The following ROBO1 variants were observed in gnomAD, a reference collection of about 807,000 sequenced individuals.
ROBO1 encodes the protein roundabout guidance receptor 1, also known as roundabout homolog 1.
Under a neutral mutation model 195.9 loss-of-function variants are expected in ROBO1, and 149 were observed. That is an observed-to-expected ratio of 0.76 (90% CI 0.67 to 0.87). ROBO1 has a LOEUF of 0.87. Among genes scored for constraint, ROBO1 ranks in the 40% least tolerant of loss-of-function variants. The pLI is 0.00. For synonymous variants in ROBO1, 816 were observed against 733.2 expected (o/e 1.11, Z -1.82); for missense variants, 1,933 against 2,068.3 (o/e 0.93, Z 1.27).
At chr3:79,519,870 A>G (rs1941131637) in intron 2 of ROBO1, among the ~76,000 whole-genome samples, 2 of 151,964 alleles carry the variant, frequency 1.3e-5, no homozygotes, top group South Asian at 4.1e-4. Flanking sequence ...CAATTAAGAG[A>G]CCTTGCAGCT....
chr3:78,951,068 T>A (rs1173585859), intron 3 of ROBO1, among the ~76,000 whole-genome samples: 1 of 151,636 alleles, frequency 6.6e-6, no homozygotes, highest in Non-Finnish European at 1.5e-5. Flanking sequence ...ATATCATATA[T>A]AACCTATATC....
intron 1 of ROBO1, among the ~76,000 whole-genome samples, chr3:79,745,895 C>A (rs910903566): frequency 6.6e-5 from 10 of 151,944 alleles, no homozygotes; most frequent in African/African-American, 2.4e-4. Context: ...TAATTATGAA[C>A]CCCTGCTTTT....
intron 3 of ROBO1, among the ~76,000 whole-genome samples, chr3:79,072,662 A>T (rs575411549): frequency 6.6e-6 from 1 of 152,086 alleles, no homozygotes; most frequent in Non-Finnish European, 1.5e-5. Flanking sequence ...GACAATTATT[A>T]TTGGCTTAAG....
intron 4 of ROBO1, among the ~76,000 whole-genome samples, chr3:78,911,832 T>C (rs1410187941): frequency 6.6e-6 from 1 of 152,054 alleles, no homozygotes; most frequent in Admixed American, 6.6e-5. Flanking sequence ...TTATATTCTA[T>C]AACGCAAAGC....
At chr3:79,156,463 A>G (rs1178101400) in intron 2 of ROBO1, among the ~76,000 whole-genome samples, 2 of 151,804 alleles carry the variant, frequency 1.3e-5, no homozygotes, top group Non-Finnish European at 2.9e-5. Context: ...ATGATTATTG[A>G]TTAAAATAGC....
At chr3:79,010,115 A>G (rs1400403149) in intron 3 of ROBO1, among the ~76,000 whole-genome samples, 2 of 152,192 alleles carry the variant, frequency 1.3e-5, no homozygotes, top group African/African-American at 4.8e-5. Context: ...TAAAAATCAA[A>G]CATCTAAAAA....
intron 4 of ROBO1, among the ~76,000 whole-genome samples, chr3:78,761,045 T>C (rs34494591): frequency 0.25 from 38,463 of 151,936 alleles, 5,082 homozygotes; most frequent in East Asian, 0.49. Context: ...TAGATTAAAG[T>C]ACAATCTTAT....
intron 2 of ROBO1, among the ~76,000 whole-genome samples, chr3:79,419,019 T>C (rs903079940): frequency 2.0e-5 from 3 of 152,068 alleles, no homozygotes; most frequent in Non-Finnish European, 4.4e-5. Flanking sequence ...TACACGTGCA[T>C]TTGCAAGGCT....
At chr3:79,398,891 C>A (rs1421982662) in intron 2 of ROBO1, among the ~76,000 whole-genome samples, 1 of 152,032 alleles carries the variant, frequency 6.6e-6, no homozygotes, top group Non-Finnish European at 1.5e-5. Context: ...GTTAATGGCA[C>A]AGACACACTG....
chr3:79,748,951 A>G (rs1302560552), intron 1 of ROBO1, among the ~76,000 whole-genome samples: 1 of 152,206 alleles, frequency 6.6e-6, no homozygotes, highest in Non-Finnish European at 1.5e-5. Context: ...CCTGCTGAAA[A>G]GATACACAAA....
chr3:79,280,447 G>A (rs1048618010), intron 2 of ROBO1, among the ~76,000 whole-genome samples: 2 of 152,028 alleles, frequency 1.3e-5, no homozygotes, highest in African/African-American at 4.8e-5. Context: ...CTACTTTCCA[G>A]ACCCACAGGA....
intron 2 of ROBO1, among the ~76,000 whole-genome samples, chr3:79,128,588 T>C (rs1207700675): frequency 6.6e-6 from 1 of 152,090 alleles, no homozygotes; most frequent in African/African-American, 2.4e-5. Context: ...CTATTGTACA[T>C]CCTATGTCCT....
chr3:79,079,315 T>C (rs2079229408), intron 3 of ROBO1, among the ~76,000 whole-genome samples: 1 of 151,790 alleles, frequency 6.6e-6, no homozygotes, highest in African/African-American at 2.4e-5. Context: ...ATAAAATTAA[T>C]TATCTGAATA....
chr3:78,938,981 C>T lies in ROBO1; in HGVS notation c.173-54G>A, dbSNP rs111567625. The T allele has an allele frequency of 5.2e-5, 75 of 1,453,100 alleles. No individual in the cohort carries two copies. In the African/African-American group the frequency reaches 6.4e-4, roughly 12 times the overall value. The allele number at this position is 1,453,100 out of a possible 1,614,324, so 90.0% of individuals were successfully genotyped here. A position where few individuals can be genotyped will look rare whatever the true frequency, so the allele number is the denominator to read the frequency against. ...TATATCACTTGAAAACAGTTAATCGCTTATTTTTAAAGCATTGGCTTAACC... is the reference window on the plus strand; with the variant it reads ...TATATCACTTGAAAACAGTTAATCGTTTATTTTTAAAGCATTGGCTTAACC... On this transcript the variant is annotated intron_variant, in intron 3 of 30. Transcript: ENST00000464233.
chr3:79,670,144 A>T (rs1461946457), intron 1 of ROBO1, among the ~76,000 whole-genome samples: 2 of 151,926 alleles, frequency 1.3e-5, no homozygotes, highest in Non-Finnish European at 2.9e-5. Flanking sequence ...ATAAGAATCT[A>T]TATTATTATC....
chr3:79,271,485 T>A (rs1465130306), intron 2 of ROBO1, among the ~76,000 whole-genome samples: 1 of 151,958 alleles, frequency 6.6e-6, no homozygotes, highest in African/African-American at 2.4e-5. Flanking sequence ...TATTAGACTA[T>A]TCATTAAAAA....
Position 78,714,414 on chromosome 3 carries a change from GC to G in ROBO1, c.1027del (p.Ala343LeufsTer3). The G allele has an allele frequency of 6.2e-7, 1 of 1,613,034 alleles. No homozygotes were observed. ...ATGCCTACCTTGAACAGTCAGAGTA[GC>G]AGATGCTTCAGCTTTGCCCACCATA... is the stretch of plus-strand genomic sequence containing the variant. The part of the protein sequence containing the change: ...ENMVGKAEAS[A>X]TLTVQEPPHF... On this transcript the variant is annotated frameshift_variant, in exon 8 of 31. Transcript: ENST00000464233. LOFTEE classifies it high-confidence loss of function.
intron 4 of ROBO1, among the ~76,000 whole-genome samples, chr3:78,882,051 A>T (rs748222011): frequency 1.3e-5 from 2 of 151,886 alleles, no homozygotes; most frequent in Non-Finnish European, 2.9e-5. Flanking sequence ...TTTTTTAAAA[A>T]GCTAATAGTA....
At chr3:79,461,892 G>A (rs1421751245) in intron 2 of ROBO1, among the ~76,000 whole-genome samples, 1 of 152,022 alleles carries the variant, frequency 6.6e-6, no homozygotes. Flanking sequence ...TCAAAAAAAG[G>A]TTGTGTAAAG....
Sources: allele counts gnomAD v4.1 joint callset (sites outside exome capture counted in the v4.1 genomes callset), GRCh38; gene constraint gnomAD v4.1.1; transcripts MANE v1.5; gene names NCBI Gene and HGNC (gene_info 2026-07-23, HGNC 2026-07-21).